Variants in GRID2 observed in about 807,000 individuals in gnomAD.
GRID2 encodes the protein glutamate receptor ionotropic, delta-2.
A neutral mutation model predicts 114.8 loss-of-function variants in GRID2; 33 were observed. The observed-to-expected ratio is 0.29, with a 90% CI of 0.22 to 0.38. The LOEUF is 0.38. Among genes scored for constraint, GRID2 ranks in the 10% least tolerant of loss-of-function variants. The pLI, the probability that GRID2 is intolerant of heterozygous loss-of-function variation, is 1.00. For synonymous variants in GRID2, 505 were observed against 449.9 expected, an observed-to-expected ratio of 1.12 and a Z score of -1.55; for missense variants, 1,184 against 1,257.7, an observed-to-expected ratio of 0.94 and a Z score of 0.89.
intron 14 of GRID2, among the ~76,000 whole-genome samples, chr4:93,741,807 C>T (rs1731443375): frequency 6.6e-6 from 1 of 151,778 alleles, no homozygotes; most frequent in Non-Finnish European, 1.5e-5. Context: ...GCCTGTAATC[C>T]CAGCTACTTG....
chr4:93,500,242 G>T (rs756657863), intron 12 of GRID2, among the ~76,000 whole-genome samples: 30 of 151,902 alleles, frequency 2.0e-4, no homozygotes, highest in Non-Finnish European at 4.0e-4. Flanking sequence ...TTTCCTAAGA[G>T]TAAAAAAGGG....
chr4:92,444,855 A>G (rs1475084715), intron 1 of GRID2, among the ~76,000 whole-genome samples: 2 of 152,178 alleles, frequency 1.3e-5, no homozygotes, highest in Non-Finnish European at 2.9e-5. Context: ...TTTTGGTATC[A>G]CTTTTGGTAT....
chr4:93,684,487 T>C (rs965927817), intron 14 of GRID2, among the ~76,000 whole-genome samples: 1 of 152,162 alleles, frequency 6.6e-6, no homozygotes, highest in African/African-American at 2.4e-5. Flanking sequence ...TATGAGATAA[T>C]TTTGTTTTGA....
chr4:93,042,645 C>T (rs1378305269), intron 2 of GRID2, among the ~76,000 whole-genome samples: 1 of 137,914 alleles, frequency 7.3e-6, no homozygotes, highest in Admixed American at 7.4e-5. Context: ...ATATATATTT[C>T]TATCTCTATA....
intron 1 of GRID2, among the ~76,000 whole-genome samples, chr4:92,447,617 C>T (rs1428136860): frequency 6.6e-6 from 1 of 152,214 alleles, no homozygotes; most frequent in Admixed American, 6.5e-5. Flanking sequence ...AACTCGATAG[C>T]TTATAAACAA....
chr4:92,716,978 T>G (rs2149314427), intron 2 of GRID2, among the ~76,000 whole-genome samples: 1 of 152,324 alleles, frequency 6.6e-6, no homozygotes, highest in Non-Finnish European at 1.5e-5. Flanking sequence ...CTACTATTTT[T>G]GTGGTAAATA....
At chr4:93,287,499 G>GTTA (rs1753307472) in intron 8 of GRID2, among the ~76,000 whole-genome samples, 1 of 152,150 alleles carries the variant, frequency 6.6e-6, no homozygotes, top group Non-Finnish European at 1.5e-5. Flanking sequence ...AACTCTAGTA[G>GTTA]TGCTACAGCC....
intron 2 of GRID2, among the ~76,000 whole-genome samples, chr4:93,015,404 C>T (rs541202275): frequency 1.1e-3 from 170 of 152,262 alleles, no homozygotes; most frequent in African/African-American, 3.8e-3. Flanking sequence ...AGTCTTGGTC[C>T]TACCCATAGC....
chr4:92,592,823 A>ATT (rs35568463), intron 2 of GRID2, among the ~76,000 whole-genome samples: 45 of 151,634 alleles, frequency 3.0e-4, no homozygotes, highest in South Asian at 1.0e-3. Context: ...TATTTATAGA[A>ATT]TTTTTTTTGT....
At chr4:93,590,387 G>A (rs897937141) in intron 13 of GRID2, among the ~76,000 whole-genome samples, 10 of 149,636 alleles carry the variant, frequency 6.7e-5, no homozygotes, top group South Asian at 2.2e-4. Context: ...TTATTTCTGA[G>A]GGCTCTGTTC....
chr4:93,666,704 C>T (rs943255827), intron 14 of GRID2, among the ~76,000 whole-genome samples: 2 of 151,928 alleles, frequency 1.3e-5, no homozygotes, highest in Non-Finnish European at 2.9e-5. Context: ...TCACTTATAT[C>T]CTCATTTGAG....
At chr4:93,363,904 T>G (rs1762100687) in intron 8 of GRID2, among the ~76,000 whole-genome samples, 1 of 152,002 alleles carries the variant, frequency 6.6e-6, no homozygotes, top group Admixed American at 6.6e-5. Context: ...TGTAATTGCT[T>G]CCAACTTCTC....
chr4:92,450,733 C>T (rs1393605562), intron 1 of GRID2, among the ~76,000 whole-genome samples: 1 of 151,164 alleles, frequency 6.6e-6, no homozygotes, highest in African/African-American at 2.4e-5. Flanking sequence ...TTAAATCTCT[C>T]TCTTTCTTTA....
downstream of GRID2, among the ~76,000 whole-genome samples, chr4:93,776,826 T>C (rs1734379440): frequency 6.6e-6 from 1 of 152,186 alleles, no homozygotes; most frequent in African/African-American, 2.4e-5. Context: ...TCCTTATTGA[T>C]ACTTGCATAC....
At chr4:93,406,345 G>C (rs1185123614) in intron 9 of GRID2, among the ~76,000 whole-genome samples, 4 of 152,156 alleles carry the variant, frequency 2.6e-5, no homozygotes, top group African/African-American at 9.6e-5. Context: ...TGAAAGTATG[G>C]ATCCAAAACA....
intron 8 of GRID2, 33 bp downstream of exon 8, chr4:93,238,523 T>C (rs878987584): frequency 6.3e-7 from 1 of 1,590,572 alleles, no homozygotes; most frequent in Non-Finnish European, 8.6e-7. Context: ...ATACGCTTTT[T>C]CCTATACTAT....
chr4:92,919,340 G>A lies in GRID2; in HGVS notation c.245-165655G>A, dbSNP rs182343683. Among the ~76,000 whole-genome samples the A allele has an allele frequency of 6.6e-5, 10 of 152,052 alleles. No homozygotes were observed. In the East Asian group the frequency reaches 1.5e-3, roughly 24 times the overall value. On this transcript the variant is annotated intron_variant, in intron 2 of 15. Coordinates refer to ENST00000282020, the MANE Select transcript of GRID2 (RefSeq NM_001510.4). ...TTGATTTTTTTAAAGGGTTTTTTGT[G>A]TCTCTATTTCCTTCAGTTCTGCTCT...
chr4:93,389,388 A>G (rs1764630707), intron 8 of GRID2, among the ~76,000 whole-genome samples: 1 of 152,314 alleles, frequency 6.6e-6, no homozygotes, highest in Admixed American at 6.5e-5. Context: ...ACCCCGAAGA[A>G]TCATGAAAAC....
At chr4:92,506,582 A>G (rs1723982413) in intron 1 of GRID2, among the ~76,000 whole-genome samples, 1 of 151,358 alleles carries the variant, frequency 6.6e-6, no homozygotes. Context: ...ATGTCTGAGC[A>G]CATGACAGCT....
Sources: gnomAD v4.1 joint callset for allele counts (sites outside exome capture counted in the v4.1 genomes callset) on GRCh38, gnomAD v4.1.1 for gene constraint, MANE v1.5 for transcripts, NCBI Gene and HGNC (gene_info 2026-07-23, HGNC 2026-07-21) for gene names.